SH3BP1: variants seen among roughly 807,000 people sequenced by gnomAD.
SH3BP1 encodes the protein SH3 domain-binding protein 1.
A neutral mutation model predicts 69.8 loss-of-function variants in SH3BP1; 46 were observed. The ratio of observed to expected loss-of-function variants is 0.66; its 90% CI spans 0.52 to 0.84. SH3BP1 has a LOEUF of 0.84. SH3BP1 is among the 40% of genes least tolerant of loss of function. SH3BP1 has a pLI of 0.00. For missense variants in SH3BP1, 868 were observed against 930.9 expected, an observed-to-expected ratio of 0.93 and a Z score of 0.88; for synonymous variants, 403 against 378.0, an observed-to-expected ratio of 1.07 and a Z score of -0.77.
chr22:37,643,923 C>A, intron 7 of SH3BP1, 135 bp downstream of exon 7: 1 of 937,060 alleles, frequency 1.1e-6, no homozygotes, highest in Non-Finnish European at 1.6e-6. Context: ...GCCAGCAGAG[C>A]TCCGCCATTC....
At chr22:37,649,837 G>T (rs1932845146) in intron 14 of SH3BP1, 4 of 473,292 alleles carry the variant, frequency 8.5e-6, no homozygotes, top group Non-Finnish European at 1.6e-5. Context: ...GCTATGTGAG[G>T]AGTCATCATT....
chr22:37,642,630 G>A lies in SH3BP1; in HGVS notation c.284+15G>A, dbSNP rs1932642154. On this transcript the variant is annotated intron_variant, in intron 4 of 17. Coordinates refer to ENST00000649765, the MANE Select transcript of SH3BP1 (RefSeq NM_018957.6). ...TCCAGCATGGGGTGAGCACAGACGG[G>A]GCCCAGCCCTCACCTGGGGATACCA... 6.2e-7 allele frequency: 1 copy of A among 1,613,202 alleles called. No individual in the cohort carries two copies. Among genetic ancestry groups the A allele is most frequent in the Non-Finnish European group, 8.5e-7 (1 of 1,179,982 alleles).
At chr22:37,650,121 T>C in intron 14 of SH3BP1, 31 bp from the exon 15 acceptor site, 1 of 1,613,272 alleles carries the variant, frequency 6.2e-7, no homozygotes, top group Non-Finnish European at 8.5e-7. Flanking sequence ...TCACAAACCC[T>C]TTGCTGAGCA....
In SH3BP1 at chr22:37,655,651, CCG is replaced by C; in HGVS notation, c.2075_2076del (p.Arg692ProfsTer93). 1 of 1,532,494 alleles carries C rather than the reference CCG, an allele frequency of 6.5e-7. No homozygotes were observed. Among genetic ancestry groups the C allele is most frequent in the Non-Finnish European group, 8.8e-7 (1 of 1,142,062 alleles). 94.9% of individuals were successfully genotyped at this position (1,532,494 alleles called of 1,614,324 possible). The part of the protein sequence containing the change: ...PTPPAIPPQP[R>X]PRSLASETN ...CTCCCCCAGCTATCCCCCCTCAGCC[CCG>C]CCCCAGGAGCCTTGCCTCAGAGACC... On this transcript the variant is annotated frameshift_variant, in exon 18 of 18. Transcript: ENST00000649765. LOFTEE classifies it high-confidence loss of function.
intron 16 of SH3BP1, among the ~76,000 whole-genome samples, chr22:37,652,730 C>T (rs796581298): frequency 1.4e-5 from 2 of 147,992 alleles, no homozygotes; most frequent in African/African-American, 5.0e-5. Context: ...GAGGCTGAGG[C>T]AGGAGAATGG....
intron 17 of SH3BP1, among the ~76,000 whole-genome samples, chr22:37,655,028 G>A (rs1257895097): frequency 7.0e-6 from 1 of 143,870 alleles, no homozygotes; most frequent in Admixed American, 6.9e-5. Flanking sequence ...AATACATCTG[G>A]AAAATGTGAC....
intron 8 of SH3BP1, 29 bp downstream of exon 8, chr22:37,644,734 C>T (rs1932751894): frequency 6.2e-7 from 1 of 1,613,278 alleles, no homozygotes; most frequent in East Asian, 2.2e-5. Flanking sequence ...CCCAGCCATC[C>T]AGAGTTCAGG....
intron 3 of SH3BP1, 161 bp from the exon 4 acceptor site, chr22:37,642,378 G>A (rs529481824): frequency 3.4e-4 from 220 of 650,324 alleles, no homozygotes; most frequent in Admixed American, 2.1e-3. Context: ...TGCTCTCAGG[G>A]AAATGTCACC....
chr22:37,650,088 C>G (rs1223472345), intron 14 of SH3BP1, 64 bp from the exon 15 acceptor site: 1 of 1,571,050 alleles, frequency 6.4e-7, no homozygotes, highest in Non-Finnish European at 8.8e-7. Flanking sequence ...TTGCCCAGCA[C>G]AGAGCCAGCC....
intron 7 of SH3BP1, among the ~76,000 whole-genome samples, chr22:37,644,131 G>A (rs887936255): frequency 6.6e-5 from 10 of 152,254 alleles, no homozygotes; most frequent in Non-Finnish European, 1.5e-4. Flanking sequence ...TGTAATCCCA[G>A]CACTTGGGGA....
At position 37,639,780 on chromosome 22, in the gene SH3BP1, C is replaced by G; in HGVS notation, c.-8C>G. The G allele has an allele frequency of 1.3e-6, 2 of 1,534,348 alleles. No homozygotes were observed. On this transcript the variant is annotated 5_prime_UTR_variant, in exon 1 of 18. Transcript: ENST00000649765. ...CCGTGACCCCGCAGCCCCCAGCTCG[C>G]CCCCAAGATGATGAAGAGGCAGCTG...
At chr22:37,654,047 G>A (rs1400425320) in intron 17 of SH3BP1, among the ~76,000 whole-genome samples, 174 bp downstream of exon 17, 1 of 152,202 alleles carries the variant, frequency 6.6e-6, no homozygotes, top group Non-Finnish European at 1.5e-5. Flanking sequence ...TTGGGCAGGT[G>A]AGTTCACCTG....
At chr22:37,643,385 C>G (rs1490878002) in intron 6 of SH3BP1, 2 of 658,618 alleles carry the variant, frequency 3.0e-6, no homozygotes, top group Non-Finnish European at 5.2e-6. Context: ...CTGGGGCAAC[C>G]CTAAAGCCTG....
chr22:37,647,201 C>G, intron 11 of SH3BP1, 66 bp from the exon 12 acceptor site: 1 of 1,413,864 alleles, frequency 7.1e-7, no homozygotes, highest in Non-Finnish European at 1.0e-6. Flanking sequence ...CCGGAGGTTC[C>G]TTCTACAGGG....
In SH3BP1 at chr22:37,643,189, C is replaced by CT. The variant is rs755064280; in HGVS notation, c.473+15_473+16insT. On this transcript the variant is annotated intron_variant, in intron 6 of 17. Coordinates refer to ENST00000649765, the MANE Select transcript of SH3BP1 (RefSeq NM_018957.6). ...CTCAAGAGCAGGTGGGAGCCCCAGC[C>CT]GCTCAGGGGGCTCATATCTGGGTCA... 29 of 1,596,976 alleles carry CT rather than the reference C, an allele frequency of 1.8e-5. No individual in the cohort carries two copies. The highest frequency in any genetic ancestry group is 2.6e-6 in the Non-Finnish European group (3 of 1,170,594).
chr22:37,645,641 CT>C, intron 10 of SH3BP1, 131 bp downstream of exon 10: 1 of 1,053,278 alleles, frequency 9.5e-7, no homozygotes, highest in Non-Finnish European at 1.3e-6. Flanking sequence ...GAAGACATGA[CT>C]GCCTCCTGCG....
In SH3BP1 at chr22:37,647,161, C is replaced by G. The variant is rs568538132; in HGVS notation, c.1037-106C>G. ...AGGGCCTACAGCCCAAAGAAACTGTCAGACCTAGACACGTTAGTGTGAACA... is the reference window on the plus strand; with the variant it reads ...AGGGCCTACAGCCCAAAGAAACTGTGAGACCTAGACACGTTAGTGTGAACA... On this transcript the variant is annotated intron_variant, in intron 11 of 17. Coordinates refer to ENST00000649765, the MANE Select transcript of SH3BP1 (RefSeq NM_018957.6). 2.6e-5 allele frequency: 26 copies of G among 1,002,366 alleles called. No homozygotes were observed. The East Asian group carries it at 6.0e-4, about 23-fold the overall frequency. The allele number at this position is 1,002,366 out of a possible 1,614,324, so 62.1% of individuals were successfully genotyped here.
intron 3 of SH3BP1, chr22:37,641,745 C>T (rs1321427534): frequency 4.7e-6 from 2 of 421,556 alleles, no homozygotes; most frequent in Non-Finnish European, 8.5e-6. Context: ...AATCAGTGCG[C>T]AAGAGCAGGC....
chr22:37,650,834 TG>T lies in SH3BP1; in HGVS notation c.1598+110del, dbSNP rs145290825. ...GAATTTTTGGAAATGTAATTATTAG[TG>T]TTTTCATCCCAAAGACCGGATCTCC... On this transcript the variant is annotated intron_variant, in intron 16 of 17. Coordinates refer to ENST00000649765, the MANE Select transcript of SH3BP1 (RefSeq NM_018957.6). 3.9e-4 allele frequency: 543 copies of T among 1,378,854 alleles called. 5 individuals are homozygous for T. The East Asian group carries it at 1.0e-2, about 25-fold the overall frequency. The allele number at this position is 1,378,854 out of a possible 1,614,324, so 85.4% of individuals were successfully genotyped here. A position where few individuals can be genotyped will look rare whatever the true frequency, so the allele number is the denominator to read the frequency against.
Sources: allele counts gnomAD v4.1 joint callset (sites outside exome capture counted in the v4.1 genomes callset), GRCh38; gene constraint gnomAD v4.1.1; transcripts MANE v1.5; gene names NCBI Gene and HGNC (gene_info 2026-07-23, HGNC 2026-07-21).